Variants in FRAS1 observed in about 807,000 individuals in gnomAD.
FRAS1 encodes the protein Fraser extracellular matrix complex subunit 1.
Under a neutral mutation model 435.2 loss-of-function variants are expected in FRAS1, and 290 were observed. That is an observed-to-expected ratio of 0.67 (90% CI 0.61 to 0.73). The LOEUF is 0.73. Among genes scored for constraint, FRAS1 ranks in the 30% least tolerant of loss-of-function variants. The pLI is 0.00. For synonymous variants in FRAS1, 1,800 were observed against 1,851.0 expected (o/e 0.97, Z 0.71); for missense variants, 4,860 against 5,001.5 (o/e 0.97, Z 0.85).
At chr4:78,163,311 A>G (rs1018248762) in intron 2 of FRAS1, among the ~76,000 whole-genome samples, 3 of 152,164 alleles carry the variant, frequency 2.0e-5, no homozygotes, top group Non-Finnish European at 2.9e-5. Flanking sequence ...TCATTCTTTG[A>G]AAATTTTGGC....
intron 14 of FRAS1, among the ~76,000 whole-genome samples, chr4:78,306,000 C>T (rs1218903301): frequency 6.6e-6 from 1 of 151,848 alleles, no homozygotes; most frequent in African/African-American, 2.4e-5. Flanking sequence ...GTGGCTGGTA[C>T]CGGTTGTTCC....
At chr4:78,172,374 G>T (rs1031645133) in intron 2 of FRAS1, among the ~76,000 whole-genome samples, 2 of 152,138 alleles carry the variant, frequency 1.3e-5, no homozygotes, top group Admixed American at 6.5e-5. Context: ...AGAAACATTT[G>T]CAGTAAGATA....
chr4:78,466,525 GT>G (rs1449949165), intron 50 of FRAS1, 90 bp downstream of exon 50: 1 of 947,712 alleles, frequency 1.1e-6, no homozygotes, highest in Non-Finnish European at 1.6e-6. Context: ...CATTGTTTGA[GT>G]TCTCGTTCTA....
intron 2 of FRAS1, among the ~76,000 whole-genome samples, chr4:78,220,687 A>G (rs1049633515): frequency 2.6e-5 from 4 of 152,204 alleles, no homozygotes; most frequent in African/African-American, 9.7e-5. Context: ...CAGTCCATTC[A>G]GACAGTAAAT....
intron 15 of FRAS1, among the ~76,000 whole-genome samples, chr4:78,314,773 G>A (rs1729166308): frequency 6.6e-6 from 1 of 152,122 alleles, no homozygotes; most frequent in Non-Finnish European, 1.5e-5. Context: ...ATTCCCTTCA[G>A]CCTGACATGG....
At chr4:78,297,630 A>C (rs1430121713) in intron 14 of FRAS1, among the ~76,000 whole-genome samples, 1 of 152,222 alleles carries the variant, frequency 6.6e-6, no homozygotes, top group African/African-American at 2.4e-5. Flanking sequence ...TGCTCCAGAA[A>C]AGTCAGGGAC....
chr4:78,451,558 G>C (rs1719022772), intron 45 of FRAS1, among the ~76,000 whole-genome samples: 1 of 152,180 alleles, frequency 6.6e-6, no homozygotes, highest in Admixed American at 6.5e-5. Flanking sequence ...GGGTGATTTT[G>C]TTATGAGAAG....
intron 5 of FRAS1, among the ~76,000 whole-genome samples, chr4:78,254,556 T>C (rs957402788): frequency 6.6e-6 from 1 of 151,408 alleles, no homozygotes; most frequent in Non-Finnish European, 1.5e-5. Flanking sequence ...GAGTTGGGGG[T>C]GGTGTGGGGA....
intron 49 of FRAS1, among the ~76,000 whole-genome samples, chr4:78,465,976 A>C (rs1348566024): frequency 6.6e-6 from 1 of 152,212 alleles, no homozygotes; most frequent in Non-Finnish European, 1.5e-5. Flanking sequence ...TGAAGAGAAG[A>C]AATTTAAATG....
chr4:78,099,931 T>A (rs1742033179), intron 2 of FRAS1, among the ~76,000 whole-genome samples: 1 of 152,144 alleles, frequency 6.6e-6, no homozygotes, highest in Non-Finnish European at 1.5e-5. Context: ...GAAAAGGAAA[T>A]TTTTTCTGGA....
intron 28 of FRAS1, among the ~76,000 whole-genome samples, chr4:78,385,800 G>A (rs952945231): frequency 1.7e-4 from 25 of 151,404 alleles, no homozygotes; most frequent in African/African-American, 4.9e-4. Context: ...CAGGAGACTC[G>A]CTTGAACCCG....
intron 4 of FRAS1, among the ~76,000 whole-genome samples, chr4:78,247,995 G>C (rs1232962302): frequency 1.3e-5 from 2 of 152,316 alleles, no homozygotes; most frequent in Middle Eastern, 6.8e-3. Context: ...TGAGCTAAGG[G>C]CTGCGTGAGA....
intron 2 of FRAS1, among the ~76,000 whole-genome samples, chr4:78,232,714 G>A (rs1024379833): frequency 6.6e-6 from 1 of 152,172 alleles, no homozygotes; most frequent in Non-Finnish European, 1.5e-5. Flanking sequence ...TTTAAACATT[G>A]TTTTCTCAAG....
At position 78,257,347 on chromosome 4, in the gene FRAS1, A is replaced by C. The variant is rs1367002936; in HGVS notation, c.603+1972A>C. Among the ~76,000 whole-genome samples the C allele has an allele frequency of 2.0e-5, 3 of 152,146 alleles. No individual in the cohort carries two copies. In the South Asian group the frequency reaches 6.2e-4, roughly 32 times the overall value. On this transcript the variant is annotated intron_variant, in intron 6 of 73. Coordinates refer to ENST00000512123, the MANE Select transcript of FRAS1 (RefSeq NM_025074.7). ...AGTAATGGCCATTACCAAGGCCATG[A>C]TTACTTTTGCACCTGCCTAATAATA...
Position 78,464,017 on chromosome 4 carries a change from C to T in FRAS1, c.6764-4C>T. 1 of 1,612,462 alleles carries T rather than the reference C, an allele frequency of 6.2e-7. No homozygotes were observed. Among genetic ancestry groups the T allele is most frequent in the Non-Finnish European group, 8.5e-7 (1 of 1,179,636 alleles). ...TCTCTGTTTCTCTTTTCCCCTTTTT[C>T]TAGGTATCCAGATTAGTTCCTTTAC... On this transcript the variant is annotated splice_region_variant and splice_polypyrimidine_tract_variant and intron_variant, in intron 47 of 73. Coordinates refer to ENST00000512123, the MANE Select transcript of FRAS1 (RefSeq NM_025074.7).
intron 2 of FRAS1, among the ~76,000 whole-genome samples, chr4:78,097,122 A>G (rs1741852601): frequency 6.6e-6 from 1 of 152,206 alleles, no homozygotes; most frequent in African/African-American, 2.4e-5. Flanking sequence ...TCTCTAGGGC[A>G]AGGGCAAAAT....
At chr4:78,138,606 A>G (rs1038131416) in intron 2 of FRAS1, among the ~76,000 whole-genome samples, 1 of 152,142 alleles carries the variant, frequency 6.6e-6, no homozygotes, top group Non-Finnish European at 1.5e-5. Context: ...GCCACTTACC[A>G]TTGTGTGTTC....
At chr4:78,121,517 ACT>A (rs1315605444) in intron 2 of FRAS1, among the ~76,000 whole-genome samples, 1 of 152,106 alleles carries the variant, frequency 6.6e-6, no homozygotes, top group African/African-American at 2.4e-5. Flanking sequence ...AATCAAGCAC[ACT>A]CTGTCTATGT....
chr4:78,340,868 A>C (rs1185606456), intron 20 of FRAS1, among the ~76,000 whole-genome samples: 1 of 152,168 alleles, frequency 6.6e-6, no homozygotes, highest in Non-Finnish European at 1.5e-5. Context: ...TATTGGTCAC[A>C]TTGGATCAGG....
Sources: gnomAD v4.1 joint callset for allele counts (sites outside exome capture counted in the v4.1 genomes callset) on GRCh38, gnomAD v4.1.1 for gene constraint, MANE v1.5 for transcripts, NCBI Gene and HGNC (gene_info 2026-07-23, HGNC 2026-07-21) for gene names.